Variants in NKAIN2 observed in about 807,000 individuals in gnomAD.
NKAIN2 encodes the protein sodium/potassium-transporting ATPase subunit beta-1-interacting protein 2.
NKAIN2 carries 14 observed loss-of-function variants against 32.6 expected under a neutral mutation model. That is an observed-to-expected ratio of 0.43 (90% CI 0.28 to 0.67). The LOEUF is 0.67. NKAIN2 is among the 30% of genes least tolerant of loss of function. NKAIN2 has a pLI of 0.17. For missense variants in NKAIN2, 198 were observed against 258.3 expected, an observed-to-expected ratio of 0.77 and a Z score of 1.60; for synonymous variants, 80 against 87.2, an observed-to-expected ratio of 0.92 and a Z score of 0.46.
chr6:124,195,172 G>GT (rs1322358676), intron 1 of NKAIN2, among the ~76,000 whole-genome samples: 1 of 151,664 alleles, frequency 6.6e-6, no homozygotes, highest in Admixed American at 6.6e-5. Context: ...TGTCAAGGAA[G>GT]TTTTTTAAGA....
chr6:124,815,824 AT>A (rs2114872220), intron 5 of NKAIN2, among the ~76,000 whole-genome samples: 1 of 152,194 alleles, frequency 6.6e-6, no homozygotes, highest in East Asian at 1.9e-4. Context: ...GAAATTTTGA[AT>A]TTTTTGAGGG....
At chr6:123,857,027 A>T (rs1775581226) in intron 1 of NKAIN2, among the ~76,000 whole-genome samples, 1 of 152,100 alleles carries the variant, frequency 6.6e-6, no homozygotes, top group Admixed American at 6.6e-5. Flanking sequence ...TCATGTTTTT[A>T]TTCCTCATAG....
intron 1 of NKAIN2, among the ~76,000 whole-genome samples, chr6:123,809,306 C>A (rs1161550492): frequency 6.6e-6 from 1 of 150,528 alleles, no homozygotes; most frequent in Non-Finnish European, 1.5e-5. Context: ...TAATAAAATA[C>A]ATAAGCCATC....
chr6:124,486,564 C>A (rs760639352), intron 3 of NKAIN2, among the ~76,000 whole-genome samples: 61 of 152,234 alleles, frequency 4.0e-4, no homozygotes, highest in Admixed American at 1.8e-3. Context: ...ATATGAGCTA[C>A]AAATATGTAG....
chr6:124,501,667 A>G (rs1351532460), intron 3 of NKAIN2, among the ~76,000 whole-genome samples: 2 of 152,196 alleles, frequency 1.3e-5, no homozygotes, highest in African/African-American at 4.8e-5. Flanking sequence ...ATGGCTCTCT[A>G]TAGCCCTCAA....
At position 124,709,447 on chromosome 6, in the gene NKAIN2, C is replaced by T. The variant is rs562171427; in HGVS notation, c.474+51061C>T. ...TCCTCCTTGTACCTCTGGTAGAATT[C>T]GGCTGTGAATCCATCTGGTCCTGGA... is the stretch of plus-strand genomic sequence containing the variant. On this transcript the variant is annotated intron_variant, in intron 4 of 6. Coordinates refer to ENST00000368417, the MANE Select transcript of NKAIN2 (RefSeq NM_001040214.3). Among the ~76,000 whole-genome samples, 11 of 151,676 alleles carry T rather than the reference C, an allele frequency of 7.3e-5. No homozygotes were observed. The East Asian group carries it at 1.2e-3, about 16-fold the overall frequency.
chr6:124,447,681 T>G (rs1159652405), intron 3 of NKAIN2, among the ~76,000 whole-genome samples: 1 of 152,170 alleles, frequency 6.6e-6, no homozygotes, highest in Non-Finnish European at 1.5e-5. Context: ...ATTTCAAGCA[T>G]TCTGCTATCC....
intron 3 of NKAIN2, among the ~76,000 whole-genome samples, chr6:124,367,043 ATC>A (rs1218616093): frequency 1.3e-5 from 2 of 152,082 alleles, no homozygotes; most frequent in African/African-American, 4.8e-5. Flanking sequence ...GTACATTTCC[ATC>A]TCTCTTTCTA....
intron 1 of NKAIN2, among the ~76,000 whole-genome samples, chr6:124,263,399 G>A (rs1794338421): frequency 6.6e-6 from 1 of 152,160 alleles, no homozygotes; most frequent in Non-Finnish European, 1.5e-5. Context: ...CGAGGTTTGA[G>A]ACTATACAGC....
At chr6:124,519,002 A>C (rs1251546130) in intron 3 of NKAIN2, among the ~76,000 whole-genome samples, 1 of 152,226 alleles carries the variant, frequency 6.6e-6, no homozygotes, top group Non-Finnish European at 1.5e-5. Flanking sequence ...GAAGTACAAG[A>C]ACCAGGATGG....
At chr6:124,519,387 G>A (rs1432663628) in intron 3 of NKAIN2, among the ~76,000 whole-genome samples, 1 of 152,132 alleles carries the variant, frequency 6.6e-6, no homozygotes, top group Non-Finnish European at 1.5e-5. Context: ...GAAATTAATG[G>A]AATTTCACAC....
intron 4 of NKAIN2, among the ~76,000 whole-genome samples, chr6:124,778,170 GTGGTAATAACAAGCTCA>G (rs1249752478): frequency 1.3e-5 from 2 of 152,116 alleles, no homozygotes; most frequent in Non-Finnish European, 2.9e-5. Flanking sequence ...CTCTGATGCT[GTGGTAATAACAAGCTCA>G]TGCCTTTGTA....
At chr6:124,337,530 AC>A (rs1373020882) in intron 2 of NKAIN2, among the ~76,000 whole-genome samples, 2 of 152,214 alleles carry the variant, frequency 1.3e-5, no homozygotes, top group Non-Finnish European at 2.9e-5. Flanking sequence ...AAATAAAAAA[AC>A]AACAATAAAT....
At chr6:124,111,778 GT>G (rs967603359) in intron 1 of NKAIN2, among the ~76,000 whole-genome samples, 8 of 150,960 alleles carry the variant, frequency 5.3e-5, no homozygotes, top group African/African-American at 1.7e-4. Context: ...TTTTGTTGGG[GT>G]TTTTTTTGGT....
At chr6:123,932,517 C>T (rs750317405) in intron 1 of NKAIN2, among the ~76,000 whole-genome samples, 3 of 149,586 alleles carry the variant, frequency 2.0e-5, no homozygotes, top group African/African-American at 4.9e-5. Context: ...CCCGGGTTCA[C>T]GCCATTCTCC....
At chr6:124,094,433 TTG>T (rs1221097484) in intron 1 of NKAIN2, among the ~76,000 whole-genome samples, 1 of 152,136 alleles carries the variant, frequency 6.6e-6, no homozygotes, top group Non-Finnish European at 1.5e-5. Context: ...TCCTCAGAAA[TTG>T]TGTCTTTGCA....
chr6:123,993,338 T>C (rs1779490274), intron 1 of NKAIN2, among the ~76,000 whole-genome samples: 1 of 152,152 alleles, frequency 6.6e-6, no homozygotes, highest in Non-Finnish European at 1.5e-5. Flanking sequence ...TGATATCAGC[T>C]TTTCATTTCA....
At chr6:123,931,309 T>A (rs1403087136) in intron 1 of NKAIN2, among the ~76,000 whole-genome samples, 1 of 152,200 alleles carries the variant, frequency 6.6e-6, no homozygotes, top group Non-Finnish European at 1.5e-5. Context: ...TCCCTTTTTT[T>A]ACCCTTTCTG....
chr6:124,031,017 A>G (rs1463539579), intron 1 of NKAIN2, among the ~76,000 whole-genome samples: 1 of 152,208 alleles, frequency 6.6e-6, no homozygotes, highest in East Asian at 1.9e-4. Context: ...ATTTTCAGGA[A>G]GAAAGCAAAA....
Sources: allele counts gnomAD v4.1 joint callset (sites outside exome capture counted in the v4.1 genomes callset), GRCh38; gene constraint gnomAD v4.1.1; transcripts MANE v1.5; gene names NCBI Gene and HGNC (gene_info 2026-07-23, HGNC 2026-07-21).